The following NALF1 variants were observed in gnomAD, a reference collection of about 807,000 sequenced individuals.
NALF1 encodes the protein family with sequence similarity 155 member A.
Under a neutral mutation model 48.4 loss-of-function variants are expected in NALF1, and 3 were observed. The ratio of observed to expected loss-of-function variants is 0.06; its 90% CI spans 0.03 to 0.16. NALF1 has a LOEUF of 0.16. NALF1 is among the 10% of genes least tolerant of loss of function. The pLI, the probability that NALF1 is intolerant of heterozygous loss-of-function variation, is 1.00. For synonymous variants in NALF1, 262 were observed against 245.7 expected, an observed-to-expected ratio of 1.07 and a Z score of -0.62; for missense variants, 526 against 571.5, an observed-to-expected ratio of 0.92 and a Z score of 0.81.
chr13:107,500,433 T>A (rs1367515711), intron 1 of NALF1, among the ~76,000 whole-genome samples: 2 of 151,780 alleles, frequency 1.3e-5, no homozygotes. Flanking sequence ...AGAATGGCAA[T>A]CATTAAAAAG....
chr13:107,384,987 T>A (rs930555581), intron 1 of NALF1, among the ~76,000 whole-genome samples: 1 of 152,198 alleles, frequency 6.6e-6, no homozygotes, highest in Non-Finnish European at 1.5e-5. Flanking sequence ...TGTTTCTCCA[T>A]CTACAGAAAG....
intron 1 of NALF1, among the ~76,000 whole-genome samples, chr13:107,380,174 T>G (rs1276861690): frequency 6.6e-6 from 1 of 152,210 alleles, no homozygotes; most frequent in African/African-American, 2.4e-5. Flanking sequence ...GTGGCATTTC[T>G]GAATCCTTAA....
At position 107,866,174 on chromosome 13, in the gene NALF1, G is replaced by A; in HGVS notation, c.423C>T (p.Gly141=). The part of the protein sequence containing the change: ...LPPSPGDGGG[G]GGKGNRGKDD... ...CTTTGCCTCGGTTGCCCTTGCCGCC[G>A]CCGCCGCCGCCGTCTCCCGGGGAGG... The change falls in exon 1 of 3, where the codon GGC becomes GGT. Residue 141 remains glycine, a synonymous_variant. Coordinates refer to ENST00000375915, the MANE Select transcript of NALF1 (RefSeq NM_001080396.3). The surrounding 1 kb of genome is among the most constrained non-coding windows in gnomAD (Gnocchi z 4.4). 1.2e-6 allele frequency: 2 copies of A among 1,603,448 alleles called. No homozygotes were observed. The highest frequency in any genetic ancestry group is 1.7e-6 in the Non-Finnish European group (2 of 1,175,672).
chr13:107,732,727 T>A (rs1876346900), intron 1 of NALF1, among the ~76,000 whole-genome samples: 1 of 152,190 alleles, frequency 6.6e-6, no homozygotes, highest in Non-Finnish European at 1.5e-5. Flanking sequence ...TGTAGGTTTC[T>A]CTTATATTTT....
At chr13:107,554,527 G>A (rs1266263674) in intron 1 of NALF1, among the ~76,000 whole-genome samples, 3 of 152,108 alleles carry the variant, frequency 2.0e-5, no homozygotes, top group East Asian at 1.9e-4. Context: ...TGTGCAGCCC[G>A]GGGACCCAGG....
chr13:107,474,711 T>C (rs75792064), intron 1 of NALF1, among the ~76,000 whole-genome samples: 5 of 152,244 alleles, frequency 3.3e-5, no homozygotes, highest in East Asian at 1.9e-4. Flanking sequence ...TTAATAGTTA[T>C]GGGAGGCACT....
At chr13:107,522,495 T>C (rs1161950237) in intron 1 of NALF1, among the ~76,000 whole-genome samples, 1 of 152,208 alleles carries the variant, frequency 6.6e-6, no homozygotes, top group African/African-American at 2.4e-5. Flanking sequence ...ATGTGGTTTC[T>C]TCTCTACAGG....
intron 1 of NALF1, among the ~76,000 whole-genome samples, chr13:107,720,374 G>C (rs552748160): frequency 2.0e-5 from 3 of 152,030 alleles, no homozygotes; most frequent in Non-Finnish European, 2.9e-5. Context: ...AGCCAGGCGC[G>C]GTGGCGCACA....
chr13:107,325,389 CA>C (rs1168321545), intron 1 of NALF1, among the ~76,000 whole-genome samples: 1 of 152,060 alleles, frequency 6.6e-6, no homozygotes, highest in Non-Finnish European at 1.5e-5. Context: ...TCTTATGAGA[CA>C]TTTTATAACC....
At chr13:107,278,488 CCTT>C (rs1377041243) in intron 1 of NALF1, among the ~76,000 whole-genome samples, 5 of 152,102 alleles carry the variant, frequency 3.3e-5, no homozygotes, top group African/African-American at 1.2e-4. Flanking sequence ...GTATTATAGT[CCTT>C]AACCCTCATA....
At chr13:107,482,637 AAATT>A (rs1885271062) in intron 1 of NALF1, among the ~76,000 whole-genome samples, 1 of 152,180 alleles carries the variant, frequency 6.6e-6, no homozygotes, top group African/African-American at 2.4e-5. Flanking sequence ...ATAGCCCATT[AAATT>A]AATTTTCAGC....
At chr13:107,341,880 AACACACACAC>A (rs57041785) in intron 1 of NALF1, among the ~76,000 whole-genome samples, 2 of 146,704 alleles carry the variant, frequency 1.4e-5, no homozygotes, top group African/African-American at 5.0e-5. Context: ...TGCACATGCA[AACACACACAC>A]ACACACACAC....
intron 1 of NALF1, among the ~76,000 whole-genome samples, chr13:107,461,185 A>T (rs1884912911): frequency 6.6e-6 from 1 of 152,196 alleles, no homozygotes; most frequent in Non-Finnish European, 1.5e-5. Flanking sequence ...ATCATTAAAA[A>T]TTATAAAAGG....
At chr13:107,289,082 CT>C (rs1486089038) in intron 1 of NALF1, among the ~76,000 whole-genome samples, 1 of 152,180 alleles carries the variant, frequency 6.6e-6, no homozygotes, top group Non-Finnish European at 1.5e-5. Context: ...TTTGTTTCAA[CT>C]TTATCCAATC....
At chr13:107,339,108 T>C (rs1039557305) in intron 1 of NALF1, among the ~76,000 whole-genome samples, 1 of 135,356 alleles carries the variant, frequency 7.4e-6, no homozygotes, top group Non-Finnish European at 1.5e-5. Context: ...CACTCCAGCC[T>C]GGGCGACAGA....
intron 1 of NALF1, among the ~76,000 whole-genome samples, chr13:107,693,308 C>T (rs1881608834): frequency 1.0e-5 from 1 of 97,746 alleles, no homozygotes; most frequent in African/African-American, 4.0e-5. Context: ...GAACACCACA[C>T]ATCAGGGCCT....
intron 1 of NALF1, among the ~76,000 whole-genome samples, chr13:107,370,378 C>G (rs1291420640): frequency 6.6e-6 from 1 of 152,278 alleles, no homozygotes; most frequent in Admixed American, 6.5e-5. Context: ...CAAACAGGCT[C>G]TTGCAAAGTT....
intron 1 of NALF1, among the ~76,000 whole-genome samples, chr13:107,797,892 T>C (rs780243891): frequency 1.3e-5 from 2 of 152,220 alleles, no homozygotes; most frequent in Non-Finnish European, 1.5e-5. Flanking sequence ...ATACTTTCAA[T>C]GGAACTAATG....
chr13:107,757,011 T>C (rs1403644388), intron 1 of NALF1, among the ~76,000 whole-genome samples: 3 of 152,088 alleles, frequency 2.0e-5, no homozygotes, highest in Non-Finnish European at 2.9e-5. Flanking sequence ...CAAGGATACT[T>C]TGAAAAACAA....
Sources: allele counts gnomAD v4.1 joint callset (sites outside exome capture counted in the v4.1 genomes callset), GRCh38; gene constraint gnomAD v4.1.1; non-coding constraint Gnocchi (gnomAD v3.1); transcripts MANE v1.5; gene names NCBI Gene and HGNC (gene_info 2026-07-23, HGNC 2026-07-21).